The following ZNF415 variants were observed in gnomAD, a reference collection of about 807,000 sequenced individuals.
ZNF415 encodes zinc finger protein 415.
ZNF415 carries 5 observed loss-of-function variants against 7.3 expected under a neutral mutation model. The observed-to-expected ratio is 0.69, with a 90% confidence interval of 0.36 to 1.44. The LOEUF (loss-of-function observed/expected upper bound fraction) is 1.44. ZNF415 is among the 40% of genes most tolerant of loss of function. The pLI is 0.04. For missense variants in ZNF415, 628 were observed against 664.8 expected, an observed-to-expected ratio of 0.94 and a Z score of 0.61; for synonymous variants, 207 against 226.3, an observed-to-expected ratio of 0.91 and a Z score of 0.77.
rs1441536320 is a variant in ZNF415, at chr19:53,128,618, C to T, written c.-68+4238G>A. On this transcript the variant is annotated intron_variant, in intron 1 of 3. Transcript: ENST00000243643. ...CCGCTGATGTGTAGAGCGTGGAAGA[C>T]CCGGGAGCTGGAGTAAGGCGGTGGG... 3.6e-5 allele frequency among the ~76,000 whole-genome samples: 4 copies of T among 109,784 alleles called. 1 individual carries two copies. The highest frequency in any genetic ancestry group is 1.2e-4 in the African/African-American group (4 of 32,116). 72.0% of individuals were successfully genotyped at this position (109,784 alleles called of 152,430 possible).
chr19:53,130,066 CAA>C (rs11314090), intron 1 of ZNF415, among the ~76,000 whole-genome samples: 3,180 of 123,418 alleles, frequency 0.026, 113 homozygotes, highest in African/African-American at 0.084. Context: ...CTCCAGCTCA[CAA>C]AAAAAAAAAA....
chr19:53,127,787 G>A (rs188222328), intron 1 of ZNF415, among the ~76,000 whole-genome samples: 61 of 150,462 alleles, frequency 4.1e-4, no homozygotes, highest in East Asian at 7.8e-4. Flanking sequence ...TGAGGCACGC[G>A]AATCGCTTGA....
intron 1 of ZNF415, among the ~76,000 whole-genome samples, chr19:53,125,806 C>T (rs148193786): frequency 6.6e-6 from 1 of 152,034 alleles, no homozygotes; most frequent in African/African-American, 2.4e-5. Flanking sequence ...GACATGGTGG[C>T]ACGCGCCTGT....
At chr19:53,118,950 C>G (rs565378721) in intron 2 of ZNF415, among the ~76,000 whole-genome samples, 10 of 151,212 alleles carry the variant, frequency 6.6e-5, no homozygotes, top group Admixed American at 5.9e-4. Context: ...TTCAAGACCA[C>G]CCTGGCGAAG....
intron 3 of ZNF415, chr19:53,115,779 G>C (rs1393887617): frequency 3.9e-6 from 6 of 1,550,432 alleles, no homozygotes; most frequent in African/African-American, 2.7e-5. Context: ...ATGGTCCAGG[G>C]CTCTTTCCTG....
intron 2 of ZNF415, among the ~76,000 whole-genome samples, chr19:53,117,808 G>T (rs1252379543): frequency 2.0e-5 from 3 of 152,074 alleles, no homozygotes; most frequent in Non-Finnish European, 4.4e-5. Context: ...CCCACTGTTA[G>T]AGCAAACATG....
Position 53,109,270 on chromosome 19 carries a change from G to A in ZNF415, c.775C>T (p.Leu259Phe). The A allele has an allele frequency of 6.2e-7, 1 of 1,614,160 alleles. No homozygotes were observed. The highest frequency in any genetic ancestry group is 8.5e-7 in the Non-Finnish European group (1 of 1,180,022). ...GTATGAACTCTCCAATGACGCGCAAGGTTTGATTTTTGACTAAAGACCTTG... is the reference window on the plus strand; with the variant it reads ...GTATGAACTCTCCAATGACGCGCAAAGTTTGATTTTTGACTAAAGACCTTG... ...CGKVFSQKSN[L>F]ARHWRVHTGE... Residue 259 changes from leucine to phenylalanine, a missense_variant, in exon 4 of 4, where the codon CTT becomes TTT. Leu to Phe is a conservative substitution (Grantham distance 22, BLOSUM62 0). Coordinates refer to ENST00000243643, the MANE Select transcript of ZNF415 (RefSeq NM_018355.4).
intron 3 of ZNF415, chr19:53,115,662 G>A (rs2146335264): frequency 7.1e-7 from 1 of 1,413,362 alleles, no homozygotes; most frequent in Non-Finnish European, 9.8e-7. Flanking sequence ...TCCAAACATA[G>A]TGTAATGGTG....
chr19:53,109,125 T>C lies in ZNF415; in HGVS notation c.920A>G (p.Lys307Arg), dbSNP rs1316749240. Residue 307 changes from lysine to arginine, a missense_variant, in exon 4 of 4, where the codon AAG (lysine) becomes AGG (arginine). Coordinates refer to ENST00000243643, the MANE Select transcript of ZNF415 (RefSeq NM_018355.4). Reference sequence around the variant, plus strand: ...AAGGCATGAATTTCGACTGAAGACCTTGTCACACTCATAACATTTGTAAGG... The same window carrying C: ...AAGGCATGAATTTCGACTGAAGACCCTGTCACACTCATAACATTTGTAAGG... ...EKPYKCYECD[K>R]VFSRNSCLAL... 6.2e-7 allele frequency: 1 copy of C among 1,613,960 alleles called. No homozygotes were observed. The highest frequency in any genetic ancestry group is 8.5e-7 in the Non-Finnish European group (1 of 1,180,032).
intron 2 of ZNF415, among the ~76,000 whole-genome samples, chr19:53,121,572 C>A (rs371067702): frequency 1.3e-5 from 2 of 151,740 alleles, no homozygotes; most frequent in Admixed American, 1.3e-4. Context: ...GGATTACAGG[C>A]GTGCGCCACC....
intron 3 of ZNF415, among the ~76,000 whole-genome samples, chr19:53,112,104 G>T (rs1344727547): frequency 6.6e-6 from 1 of 151,986 alleles, no homozygotes; most frequent in Non-Finnish European, 1.5e-5. Context: ...ACCATGCCCG[G>T]CTACTTTTTT....
rs535700164 is a variant in ZNF415, at chr19:53,122,576, C to CA, written c.15+85dup. On this transcript the variant is annotated intron_variant, in intron 2 of 3. Transcript: ENST00000243643. ...CGCGTCAGGCAGGATGCTTCAGACT[C>CA]AGAGAAGATTTGCAGCTCCAAGGCA... The CA allele has an allele frequency of 1.5e-3, 2,423 of 1,607,742 alleles. 4 individuals are homozygous for CA. Among genetic ancestry groups the CA allele is most frequent in the Middle Eastern group, 2.0e-3 (12 of 6,036 alleles).
At chr19:53,123,673 G>A in intron 1 of ZNF415, 1 of 398,530 alleles carries the variant, frequency 2.5e-6, no homozygotes, top group Admixed American at 4.4e-5. Context: ...GGCAGATCAG[G>A]CAGGGCAGAT....
chr19:53,114,522 G>C lies in ZNF415; in HGVS notation c.136+1791C>G, dbSNP rs187171460. ...CAAACTTAAGAGAAAACAAAATCAGGAAGAGCCAAGGTTTTTCCACATTCA... is the reference window on the plus strand; with the variant it reads ...CAAACTTAAGAGAAAACAAAATCAGCAAGAGCCAAGGTTTTTCCACATTCA... On this transcript the variant is annotated intron_variant, in intron 3 of 3. Transcript: ENST00000243643. Among the ~76,000 whole-genome samples the C allele has an allele frequency of 4.5e-3, 687 of 152,260 alleles. 1 individual carries two copies. Among genetic ancestry groups the C allele is most frequent in the Middle Eastern group, 6.8e-3 (2 of 294 alleles).
Position 53,108,310 on chromosome 19 carries a change from G to T in ZNF415, c.*67C>A. 1 of 1,445,530 alleles carries T rather than the reference G, an allele frequency of 6.9e-7. No homozygotes were observed. Among genetic ancestry groups the T allele is most frequent in the Non-Finnish European group, 9.3e-7 (1 of 1,073,096 alleles). The allele number at this position is 1,445,530 out of a possible 1,614,324, so 89.5% of individuals were successfully genotyped here. On this transcript the variant is annotated 3_prime_UTR_variant, in exon 4 of 4. Transcript: ENST00000243643. ...TTGCCACATTTATTATACTTGTATG[G>T]TTTCTCTCTGATATAAATTCTTTGA...
In ZNF415 at chr19:53,108,667, C is replaced by T. The variant is rs778474604; in HGVS notation, c.1378G>A (p.Val460Ile). 8 of 1,614,110 alleles carry T rather than the reference C, an allele frequency of 5.0e-6. No individual in the cohort carries two copies. Among genetic ancestry groups the T allele is most frequent in the South Asian group, 2.2e-5 (2 of 91,080 alleles). Residue 460 changes from valine (V) to isoleucine (I), a missense_variant, in exon 4 of 4, where the codon GTC (valine) becomes ATC (isoleucine). Physicochemically the swap from Val to Ile is conservative, Grantham distance 29. Coordinates refer to ENST00000243643, the MANE Select transcript of ZNF415 (RefSeq NM_018355.4). ...SVHSNLTTHQ[V>I]IHTGEKPYKC... Reference sequence around the variant, plus strand: ...TAAGGCTTCTCTCCAGTATGGATGACCTGATGGGTAGTTAAGTTCGAATGC... The same window carrying T: ...TAAGGCTTCTCTCCAGTATGGATGATCTGATGGGTAGTTAAGTTCGAATGC...
At position 53,116,679 on chromosome 19, in the gene ZNF415, G is replaced by C. The variant is rs62115463; in HGVS notation, c.16-246C>G. Among the ~76,000 whole-genome samples, 668 of 148,136 alleles carry C rather than the reference G, an allele frequency of 4.5e-3. 2 individuals are homozygous for C. Among genetic ancestry groups the C allele is most frequent in the Non-Finnish European group, 7.2e-3 (488 of 67,536 alleles). ...TGCCCAGGCTGAAGTGCAGTGGCAT[G>C]ATCATGGCTCACTGCAGACTCAATC... is the stretch of plus-strand genomic sequence containing the variant. On this transcript the variant is annotated intron_variant, in intron 2 of 3. Transcript: ENST00000243643.
At chr19:53,111,113 GTTTGGGATATAA>G (rs1169587696) in intron 3 of ZNF415, among the ~76,000 whole-genome samples, 2 of 152,102 alleles carry the variant, frequency 1.3e-5, no homozygotes, top group Non-Finnish European at 2.9e-5. Flanking sequence ...CAGATGGCGC[GTTTGGGATATAA>G]TTAGGTCATG....
rs773026554 is a variant in ZNF415 at position 53,117,297 on chromosome 19, C to T, written c.16-864G>A. ...TCTCTACTAAAAATACAAAACTAGC[C>T]GAGCGTGGTGGTGCATGCCTGTAAT... On this transcript the variant is annotated intron_variant, in intron 2 of 3. Transcript: ENST00000243643. Among the ~76,000 whole-genome samples, 44 of 151,762 alleles carry T rather than the reference C, an allele frequency of 2.9e-4. 1 individual carries two copies. Among genetic ancestry groups the T allele is most frequent in the Admixed American group, 2.0e-3 (30 of 15,222 alleles).
Sources: allele counts gnomAD v4.1 joint callset (sites outside exome capture counted in the v4.1 genomes callset), GRCh38; gene constraint gnomAD v4.1.1; transcripts MANE v1.5; gene names NCBI Gene and HGNC (gene_info 2026-07-23, HGNC 2026-07-21).